ARHGAP24: variants seen among roughly 807,000 people sequenced by gnomAD.
ARHGAP24 encodes Rho GTPase activating protein 24.
A neutral mutation model predicts 76.4 loss-of-function variants in ARHGAP24; 50 were observed. The ratio of observed to expected loss-of-function variants is 0.65; its 90% CI spans 0.52 to 0.83. The LOEUF is 0.83. Ranked by LOEUF, ARHGAP24 falls within the 40% of genes least tolerant of loss-of-function variation. The pLI, the probability that ARHGAP24 is intolerant of heterozygous loss-of-function variation, is 0.00. For synonymous variants in ARHGAP24, 345 were observed against 323.3 expected (o/e 1.07, Z -0.72); for missense variants, 930 against 914.2 (o/e 1.02, Z -0.22).
At chr4:85,577,597 G>A (rs1319322606) in intron 2 of ARHGAP24, among the ~76,000 whole-genome samples, 1 of 152,162 alleles carries the variant, frequency 6.6e-6, no homozygotes. Context: ...AGAACTGTCT[G>A]CTATACGTGA....
chr4:85,561,894 G>GA (rs1726615525), intron 1 of ARHGAP24, among the ~76,000 whole-genome samples: 1 of 152,238 alleles, frequency 6.6e-6, no homozygotes, highest in East Asian at 1.9e-4. Flanking sequence ...GTGTGCTGTG[G>GA]AAAAAATAAA....
intron 1 of ARHGAP24, among the ~76,000 whole-genome samples, chr4:85,537,699 G>A (rs1396986054): frequency 2.0e-5 from 3 of 152,238 alleles, no homozygotes; most frequent in Admixed American, 6.5e-5. Context: ...TGCTACAAAC[G>A]GCAATGCTAT....
At chr4:85,655,379 A>G (rs1316999676) in intron 2 of ARHGAP24, among the ~76,000 whole-genome samples, 1 of 152,220 alleles carries the variant, frequency 6.6e-6, no homozygotes, top group Non-Finnish European at 1.5e-5. Context: ...AATTTTATAC[A>G]AAAAGAGCTG....
At chr4:85,797,205 C>A (rs1247875496) in intron 3 of ARHGAP24, among the ~76,000 whole-genome samples, 2 of 151,586 alleles carry the variant, frequency 1.3e-5, no homozygotes, top group South Asian at 4.2e-4. Context: ...ATGAGTCTTG[C>A]TCTGTTGCCC....
chr4:85,481,565 A>G (rs1283950277), intron 1 of ARHGAP24, among the ~76,000 whole-genome samples: 2 of 152,200 alleles, frequency 1.3e-5, no homozygotes. Context: ...TCCATCTACC[A>G]TAGGCCAGTA....
intron 1 of ARHGAP24, among the ~76,000 whole-genome samples, chr4:85,486,957 G>C (rs1213593536): frequency 1.3e-5 from 2 of 151,682 alleles, no homozygotes; most frequent in African/African-American, 4.9e-5. Flanking sequence ...TTCTGGGTCA[G>C]GCTAAGGATA....
chr4:85,631,919 A>T (rs952829903), intron 2 of ARHGAP24, among the ~76,000 whole-genome samples: 4 of 151,960 alleles, frequency 2.6e-5, no homozygotes, highest in Non-Finnish European at 5.9e-5. Flanking sequence ...TATTCAAAAA[A>T]TTTTTTCTTT....
In ARHGAP24 at chr4:85,743,620, A is replaced by C. The variant is rs140828615; in HGVS notation, c.268+21648A>C. ...AGAAAGAGCCAATGAAACAAAACCCACAGAGAAGAGAAGCAGAACTGTTGT... is the reference window on the plus strand; with the variant it reads ...AGAAAGAGCCAATGAAACAAAACCCCCAGAGAAGAGAAGCAGAACTGTTGT... On this transcript the variant is annotated intron_variant, in intron 3 of 9. Coordinates refer to ENST00000395184, the MANE Select transcript of ARHGAP24 (RefSeq NM_001025616.3). 2.0e-3 allele frequency among the ~76,000 whole-genome samples: 307 copies of C among 152,114 alleles called. 3 individuals carry two copies. The highest frequency in any genetic ancestry group is 0.014 in the Middle Eastern group (4 of 294).
At chr4:85,690,109 G>C (rs757721564) in intron 2 of ARHGAP24, among the ~76,000 whole-genome samples, 3 of 152,066 alleles carry the variant, frequency 2.0e-5, no homozygotes, top group Non-Finnish European at 4.4e-5. Context: ...TGTTTATTTC[G>C]ATGATCATAT....
chr4:85,674,542 A>G (rs1264624010), intron 2 of ARHGAP24, among the ~76,000 whole-genome samples: 1 of 152,198 alleles, frequency 6.6e-6, no homozygotes, highest in Non-Finnish European at 1.5e-5. Flanking sequence ...ATCTAAGTCA[A>G]TTTGCATTTG....
intron 2 of ARHGAP24, among the ~76,000 whole-genome samples, chr4:85,642,790 T>A (rs1721574307): frequency 6.6e-6 from 1 of 152,182 alleles, no homozygotes; most frequent in African/African-American, 2.4e-5. Flanking sequence ...TTTAACATAA[T>A]GGACAGAGTG....
At chr4:85,526,767 A>G (rs923311252) in intron 1 of ARHGAP24, among the ~76,000 whole-genome samples, 2 of 152,310 alleles carry the variant, frequency 1.3e-5, no homozygotes, top group East Asian at 1.9e-4. Flanking sequence ...AGTGTCAATA[A>G]TGAATTTATG....
At chr4:85,516,111 T>C (rs757538870) in intron 1 of ARHGAP24, among the ~76,000 whole-genome samples, 42 of 152,218 alleles carry the variant, frequency 2.8e-4, no homozygotes, top group Non-Finnish European at 5.0e-4. Context: ...TACTCTGGTT[T>C]CCTCCAGCAC....
At chr4:85,674,262 T>C (rs890751250) in intron 2 of ARHGAP24, among the ~76,000 whole-genome samples, 2 of 152,126 alleles carry the variant, frequency 1.3e-5, no homozygotes, top group South Asian at 2.1e-4. Flanking sequence ...GCAGAAATAA[T>C]GGTGTTTCTT....
At chr4:85,891,181 A>AAT in intron 3 of ARHGAP24, among the ~76,000 whole-genome samples, 1 of 152,306 alleles carries the variant, frequency 6.6e-6, no homozygotes, top group Admixed American at 6.5e-5. Context: ...GTTATACTAC[A>AAT]TTGGGACGAG....
intron 3 of ARHGAP24, among the ~76,000 whole-genome samples, chr4:85,796,610 A>T (rs1728352195): frequency 6.6e-6 from 1 of 152,224 alleles, no homozygotes; most frequent in African/African-American, 2.4e-5. Flanking sequence ...GTTTAATATA[A>T]AGAATGATTA....
At chr4:85,943,439 G>A (rs924670487) in intron 5 of ARHGAP24, among the ~76,000 whole-genome samples, 7 of 152,114 alleles carry the variant, frequency 4.6e-5, no homozygotes, top group African/African-American at 1.7e-4. Context: ...GAAGGTACAA[G>A]GCAGCTCTCT....
At chr4:85,905,090 G>T (rs80271238) in intron 3 of ARHGAP24, among the ~76,000 whole-genome samples, 1 of 151,914 alleles carries the variant, frequency 6.6e-6, no homozygotes, top group Non-Finnish European at 1.5e-5. Flanking sequence ...CATTTAATTT[G>T]TTTTTTCTTC....
chr4:85,741,150 C>A (rs1725808442), intron 3 of ARHGAP24, among the ~76,000 whole-genome samples: 1 of 152,084 alleles, frequency 6.6e-6, no homozygotes, highest in African/African-American at 2.4e-5. Flanking sequence ...CTAAACAAAC[C>A]AAGACATTCA....
Sources: allele counts gnomAD v4.1 joint callset (sites outside exome capture counted in the v4.1 genomes callset), GRCh38; gene constraint gnomAD v4.1.1; transcripts MANE v1.5; gene names NCBI Gene and HGNC (gene_info 2026-07-23, HGNC 2026-07-21).